OSGEPL1: variants seen among roughly 807,000 people sequenced by gnomAD.
OSGEPL1 encodes the protein O-sialoglycoprotein endopeptidase like 1, also known as tRNA N6-adenosine threonylcarbamoyltransferase, mitochondrial.
Under a neutral mutation model 37.2 loss-of-function variants are expected in OSGEPL1, and 26 were observed. The observed-to-expected ratio is 0.70, with a 90% CI of 0.51 to 0.97. OSGEPL1 has a LOEUF of 0.97. Among genes scored for constraint, OSGEPL1 ranks in the 50% least tolerant of loss-of-function variants. OSGEPL1 has a pLI of 0.00. For synonymous variants in OSGEPL1, 140 were observed against 159.9 expected (o/e 0.88, Z 0.94); for missense variants, 404 against 487.0 (o/e 0.83, Z 1.60).
chr2:189,747,400 AAAG>A (rs1180433249), intron 8 of OSGEPL1: 1 of 152,074 alleles, frequency 6.6e-6, no homozygotes, highest in Non-Finnish European at 1.5e-5. Flanking sequence ...AAAAATTAAA[AAAG>A]AAAATAAAAC....
intron 3 of OSGEPL1, chr2:189,754,810 A>G (rs1447126537): frequency 3.8e-6 from 1 of 259,908 alleles, no homozygotes; most frequent in Non-Finnish European, 7.2e-6. Flanking sequence ...AATTCTGTGC[A>G]TTGCATCTTT....
intron 2 of OSGEPL1, among the ~76,000 whole-genome samples, chr2:189,760,252 G>A (rs577741224): frequency 3.9e-5 from 6 of 152,180 alleles, no homozygotes; most frequent in South Asian, 2.1e-4. Context: ...ATCATGGCCC[G>A]TTCTCAATGA....
chr2:189,751,177 TG>T (rs1433572062), intron 7 of OSGEPL1, among the ~76,000 whole-genome samples: 3 of 152,204 alleles, frequency 2.0e-5, no homozygotes, highest in Admixed American at 2.0e-4. Context: ...AACTAATTTT[TG>T]CTTCAGATTT....
chr2:189,758,737 T>C (rs1467187595), intron 2 of OSGEPL1, among the ~76,000 whole-genome samples: 3 of 152,218 alleles, frequency 2.0e-5, no homozygotes, highest in East Asian at 1.9e-4. Flanking sequence ...GTGATTAATA[T>C]AGACATGGCC....
intron 5 of OSGEPL1, 79 bp from the exon 6 acceptor site, chr2:189,753,058 T>C (rs1171824638): frequency 3.8e-6 from 5 of 1,320,382 alleles, no homozygotes; most frequent in South Asian, 1.5e-5. Context: ...GAGAAAAATA[T>C]CAGCATTAAA....
upstream of OSGEPL1, chr2:189,762,900 C>G (rs759544819): frequency 2.1e-5 from 21 of 985,438 alleles, no homozygotes; most frequent in Non-Finnish European, 2.5e-5. Flanking sequence ...AAAACGCTCT[C>G]TGTGCGCACC....
At chr2:189,749,027 A>T (rs181855740) in intron 8 of OSGEPL1, among the ~76,000 whole-genome samples, 14 of 152,152 alleles carry the variant, frequency 9.2e-5, no homozygotes, top group Non-Finnish European at 1.8e-4. Context: ...CGGGTGGATC[A>T]CATGGTCAGG....
At chr2:189,761,832 C>T (rs1243792561) in intron 1 of OSGEPL1, among the ~76,000 whole-genome samples, 172 bp from the exon 2 acceptor site, 1 of 152,042 alleles carries the variant, frequency 6.6e-6, no homozygotes, top group Non-Finnish European at 1.5e-5. Flanking sequence ...ATAATGTTCT[C>T]CAAGGGGGAA....
chr2:189,755,016 C>T, intron 3 of OSGEPL1, 157 bp downstream of exon 3: 2 of 788,982 alleles, frequency 2.5e-6, no homozygotes, highest in Non-Finnish European at 3.9e-6. Flanking sequence ...AAATTGTGTA[C>T]TACTCTTTCT....
Position 189,762,748 on chromosome 2 carries a change from C to A in OSGEPL1, c.-84G>T. On this transcript the variant is annotated 5_prime_UTR_variant, in exon 1 of 9. It adds an upstream start codon to the 5' untranslated region. Coordinates refer to ENST00000264151, the MANE Select transcript of OSGEPL1 (RefSeq NM_022353.3). Reference sequence around the variant, plus strand: ...TCCCTACTAAAGACTGTCGACTGCCCTTATCGCTGCAGGAGAAAGCCCGAA... The same window carrying A: ...TCCCTACTAAAGACTGTCGACTGCCATTATCGCTGCAGGAGAAAGCCCGAA... 2.0e-6 allele frequency: 2 copies of A among 985,512 alleles called. No homozygotes were observed. Among genetic ancestry groups the A allele is most frequent in the Non-Finnish European group, 2.4e-6 (2 of 830,020 alleles). 61.0% of individuals were successfully genotyped at this position (985,512 alleles called of 1,614,324 possible).
rs1452101465 is a variant in OSGEPL1 at position 189,755,370 on chromosome 2, A to C, written c.412T>G (p.Leu138Val). The change falls in exon 3 of 9, where the codon TTA becomes GTA. Residue 138 changes from leucine (L) to valine (V), a missense_variant. Leu to Val is a conservative substitution (Grantham distance 32). Coordinates refer to ENST00000264151, the MANE Select transcript of OSGEPL1 (RefSeq NM_022353.3). ...LSFSLQLVGQ[L>V]KKPFIPIHHM... The stretch of plus-strand genomic sequence containing the variant: ...TGAATGGGAATGAATGGCTTTTTTA[A>C]CTGTCCTACCAGCTGTAAGCTAAAT... 1.9e-6 allele frequency: 3 copies of C among 1,613,660 alleles called. No individual in the cohort carries two copies. Among genetic ancestry groups the C allele is most frequent in the Non-Finnish European group, 2.5e-6 (3 of 1,179,736 alleles).
chr2:189,761,303 G>T, intron 2 of OSGEPL1, 117 bp downstream of exon 2: 1 of 1,087,398 alleles, frequency 9.2e-7, no homozygotes, highest in Non-Finnish European at 1.3e-6. Flanking sequence ...GTTATTAAAA[G>T]TGTTTGCAAA....
chr2:189,759,824 C>T (rs1354926634), intron 2 of OSGEPL1, among the ~76,000 whole-genome samples: 1 of 151,818 alleles, frequency 6.6e-6, no homozygotes, highest in East Asian at 1.9e-4. Context: ...TTGGCAGGGC[C>T]ATAGGACAAT....
intron 1 of OSGEPL1, among the ~76,000 whole-genome samples, chr2:189,762,103 ATCATTTGGT>A (rs2047161839): frequency 6.6e-6 from 1 of 152,206 alleles, no homozygotes; most frequent in South Asian, 2.1e-4. Flanking sequence ...ATAAAACTGG[ATCATTTGGT>A]TCAAAAACAA....
rs1460602730 is a variant in OSGEPL1 at position 189,755,465 on chromosome 2, G to A, written c.317C>T (p.Pro106Leu). The stretch of plus-strand genomic sequence containing the variant: ...AGTTGCAATTGCTGAGAGGTCACTT[G>A]GAGAGACTCCACTGGCAGAAAGAGC... Reference protein sequence around the residue: ...QEALSASGVSPSDLSAIATTI... With the variant: ...QEALSASGVSLSDLSAIATTI... Residue 106 changes from proline (P) to leucine (L), a missense_variant, in exon 3 of 9, where the codon CCA (proline) becomes CTA (leucine). Coordinates refer to ENST00000264151, the MANE Select transcript of OSGEPL1 (RefSeq NM_022353.3). 1 of 1,604,298 alleles carries A rather than the reference G, an allele frequency of 6.2e-7. No individual in the cohort carries two copies. Among genetic ancestry groups the A allele is most frequent in the Non-Finnish European group, 8.5e-7 (1 of 1,177,670 alleles).
At chr2:189,755,925 G>A (rs1239150651) in intron 2 of OSGEPL1, among the ~76,000 whole-genome samples, 1 of 152,144 alleles carries the variant, frequency 6.6e-6, no homozygotes, top group Non-Finnish European at 1.5e-5. Flanking sequence ...TTTTAAGAGA[G>A]ATTACTGCGA....
chr2:189,760,824 A>G (rs1559177256), intron 2 of OSGEPL1, among the ~76,000 whole-genome samples: 1 of 152,020 alleles, frequency 6.6e-6, no homozygotes, highest in Non-Finnish European at 1.5e-5. Context: ...CTGGATTTCC[A>G]TTTTCCCTTG....
At chr2:189,761,354 C>G (rs2047045423) in intron 2 of OSGEPL1, 66 bp downstream of exon 2, 1 of 1,519,474 alleles carries the variant, frequency 6.6e-7, no homozygotes. Context: ...TTATATATGA[C>G]AAATACAAAA....
rs531402192 is a variant in OSGEPL1 at position 189,755,670 on chromosome 2, G to A, written c.222-110C>T. The A allele has an allele frequency of 1.2e-3, 1,428 of 1,187,042 alleles. 10 individuals are homozygous for A. The highest frequency in any genetic ancestry group is 8.4e-3 in the Middle Eastern group (41 of 4,886). The allele number at this position is 1,187,042 out of a possible 1,614,324, so 73.5% of individuals were successfully genotyped here. A position where few individuals can be genotyped will look rare whatever the true frequency, so the allele number is the denominator to read the frequency against. ...AGTTAATCATTATATAGCTGAGTAA[G>A]TCAAGTATTTTCTAATTGTGTGCCT... On this transcript the variant is annotated intron_variant, in intron 2 of 8. Coordinates refer to ENST00000264151, the MANE Select transcript of OSGEPL1 (RefSeq NM_022353.3).
Sources: allele counts gnomAD v4.1 joint callset (sites outside exome capture counted in the v4.1 genomes callset), GRCh38; gene constraint gnomAD v4.1.1; transcripts MANE v1.5; gene names NCBI Gene and HGNC (gene_info 2026-07-23, HGNC 2026-07-21).